The following BANK1 variants were observed in gnomAD, a reference collection of about 807,000 sequenced individuals.
BANK1 encodes the protein B-cell scaffold protein with ankyrin repeats.
In BANK1, 95 loss-of-function variants were observed where a neutral mutation model predicts 94.5. That is an observed-to-expected ratio of 1.00 (90% CI 0.85 to 1.19). BANK1 has a LOEUF of 1.19. Ranked by LOEUF, BANK1 falls within the 50% of genes most tolerant of loss-of-function variation. BANK1 has a pLI of 0.00. For missense variants in BANK1, 987 were observed against 932.2 expected, an observed-to-expected ratio of 1.06 and a Z score of -0.77; for synonymous variants, 334 against 308.4, an observed-to-expected ratio of 1.08 and a Z score of -0.87.
At position 101,986,899 on chromosome 4, in the gene BANK1, G is replaced by GTGTGTGTGTGTATA. The variant is rs1343197093; in HGVS notation, c.1207-34614_1207-34613insGTGTGTGTGTATAT. On this transcript the variant is annotated intron_variant, in intron 7 of 16. Coordinates refer to ENST00000322953, the MANE Select transcript of BANK1 (RefSeq NM_017935.5). ...TGTGTGTGTGTGTGTGTGTGTGTGT[G>GTGTGTGTGTGTATA]TATATATATATATATATATATATAT... 1.2e-3 allele frequency among the ~76,000 whole-genome samples: 96 copies of GTGTGTGTGTGTATA among 82,652 alleles called. 5 individuals are homozygous for GTGTGTGTGTGTATA. Among genetic ancestry groups the GTGTGTGTGTGTATA allele is most frequent in the African/African-American group, 2.4e-3 (38 of 15,546 alleles). 54.2% of individuals were successfully genotyped at this position (82,652 alleles called of 152,430 possible).
chr4:101,920,881 A>G (rs565750757), intron 7 of BANK1, among the ~76,000 whole-genome samples: 2 of 152,050 alleles, frequency 1.3e-5, no homozygotes, highest in African/African-American at 2.4e-5. Flanking sequence ...GCAAGCATTC[A>G]TAAACCAAGT....
intron 7 of BANK1, among the ~76,000 whole-genome samples, chr4:101,992,644 G>T (rs1725747673): frequency 6.6e-6 from 1 of 151,990 alleles, no homozygotes; most frequent in Non-Finnish European, 1.5e-5. Flanking sequence ...GACTAATTCT[G>T]CACACAACTT....
intron 1 of BANK1, among the ~76,000 whole-genome samples, chr4:101,795,906 A>T (rs1239673384): frequency 6.6e-6 from 1 of 152,232 alleles, no homozygotes; most frequent in Non-Finnish European, 1.5e-5. Flanking sequence ...CAAGCCAGCC[A>T]ACTGGTTGCT....
chr4:101,946,287 T>C (rs1443848992), intron 7 of BANK1, among the ~76,000 whole-genome samples: 1 of 152,002 alleles, frequency 6.6e-6, no homozygotes, highest in Non-Finnish European at 1.5e-5. Context: ...CAAGCCAGTA[T>C]GGCCAAATAT....
chr4:101,792,462 TGTG>T (rs1560576034), intron 1 of BANK1, among the ~76,000 whole-genome samples: 6 of 99,100 alleles, frequency 6.1e-5, no homozygotes, highest in Non-Finnish European at 1.5e-4. Context: ...TGTGTGTGTG[TGTG>T]TGTGTTTTTT....
intron 3 of BANK1, among the ~76,000 whole-genome samples, chr4:101,856,779 C>T (rs1727695092): frequency 6.6e-6 from 1 of 152,098 alleles, no homozygotes; most frequent in Non-Finnish European, 1.5e-5. Context: ...ATAATTCTTT[C>T]AGACTCTTGG....
At chr4:101,947,851 T>C (rs1199921649) in intron 7 of BANK1, among the ~76,000 whole-genome samples, 1 of 152,026 alleles carries the variant, frequency 6.6e-6, no homozygotes, top group Non-Finnish European at 1.5e-5. Flanking sequence ...ATATAAAATA[T>C]TTTTGAAAAA....
chr4:102,069,568 A>G (rs1251919591), intron 13 of BANK1, among the ~76,000 whole-genome samples: 6 of 152,240 alleles, frequency 3.9e-5, no homozygotes, highest in Non-Finnish European at 8.8e-5. Context: ...TGCACTTACC[A>G]TATGACCTAG....
chr4:102,001,241 C>T (rs1260608739), intron 7 of BANK1, among the ~76,000 whole-genome samples: 1 of 152,218 alleles, frequency 6.6e-6, no homozygotes, highest in Non-Finnish European at 1.5e-5. Context: ...TCTTAGACAA[C>T]ATATACTGAA....
At chr4:102,037,699 C>T (rs1727557090) in intron 10 of BANK1, among the ~76,000 whole-genome samples, 1 of 152,134 alleles carries the variant, frequency 6.6e-6, no homozygotes, top group Non-Finnish European at 1.5e-5. Flanking sequence ...ATTACATAAC[C>T]TTGCTTCATG....
intron 7 of BANK1, among the ~76,000 whole-genome samples, chr4:101,948,732 G>T (rs920681391): frequency 6.6e-6 from 1 of 151,968 alleles, no homozygotes; most frequent in Non-Finnish European, 1.5e-5. Context: ...ATCCCTATGG[G>T]TATGCTACTA....
intron 7 of BANK1, among the ~76,000 whole-genome samples, chr4:101,945,960 T>C (rs529758138): frequency 6.6e-6 from 1 of 152,114 alleles, no homozygotes; most frequent in South Asian, 2.1e-4. Flanking sequence ...GCTACGTTTA[T>C]CCAGATATCA....
At chr4:101,881,466 C>T (rs956183243) in intron 5 of BANK1, among the ~76,000 whole-genome samples, 8 of 151,566 alleles carry the variant, frequency 5.3e-5, no homozygotes, top group Non-Finnish European at 8.9e-5. Flanking sequence ...AACTGTTTGT[C>T]GGAAAGTAAA....
chr4:101,909,253 GA>G (rs1235147235), intron 6 of BANK1, among the ~76,000 whole-genome samples: 1 of 152,138 alleles, frequency 6.6e-6, no homozygotes, highest in Non-Finnish European at 1.5e-5. Context: ...GGACATGGAT[GA>G]AGCTGGAAAC....
In BANK1 at chr4:101,986,863, ATATG is replaced by A. The variant is rs1298131635; in HGVS notation, c.1207-34649_1207-34646del. Among the ~76,000 whole-genome samples, 65 of 44,332 alleles carry A rather than the reference ATATG, an allele frequency of 1.5e-3. 1 individual carries two copies. In the South Asian group the frequency reaches 0.016, roughly 11 times the overall value. 29.1% of individuals were successfully genotyped at this position (44,332 alleles called of 152,430 possible). On this transcript the variant is annotated intron_variant, in intron 7 of 16. Transcript: ENST00000322953. ...TATATGTGTATATATATGTATATAT[ATATG>A]TGTGTATGTGTGTGTGTGTGTGTGT...
chr4:102,014,778 G>A (rs1578456508), intron 7 of BANK1, among the ~76,000 whole-genome samples: 2 of 152,178 alleles, frequency 1.3e-5, no homozygotes, highest in African/African-American at 2.4e-5. Context: ...ATGTTAGATG[G>A]AATGTCTGAA....
At chr4:101,956,950 C>A (rs1234488934) in intron 7 of BANK1, among the ~76,000 whole-genome samples, 1 of 152,164 alleles carries the variant, frequency 6.6e-6, no homozygotes, top group African/African-American at 2.4e-5. Flanking sequence ...GTTTTCATAT[C>A]TTGATCTTGC....
At chr4:101,852,503 T>TATACAC (rs1448887346) in intron 2 of BANK1, among the ~76,000 whole-genome samples, 10 of 80,164 alleles carry the variant, frequency 1.2e-4, no homozygotes, top group Admixed American at 7.1e-4. Context: ...TATATATATA[T>TATACAC]ACACACACAC....
chr4:102,023,468 C>A (rs887704305), intron 8 of BANK1, among the ~76,000 whole-genome samples: 1 of 152,050 alleles, frequency 6.6e-6, no homozygotes. Flanking sequence ...TATTTCAATT[C>A]TTTATAAAGA....
Sources: allele counts gnomAD v4.1 joint callset (sites outside exome capture counted in the v4.1 genomes callset), GRCh38; gene constraint gnomAD v4.1.1; transcripts MANE v1.5; gene names NCBI Gene and HGNC (gene_info 2026-07-23, HGNC 2026-07-21).